OCLN: variants seen among roughly 807,000 people sequenced by gnomAD.
The protein encoded by OCLN is occludin, also known as phosphatase 1, regulatory subunit 115.
Under a neutral mutation model 47.9 loss-of-function variants are expected in OCLN, and 21 were observed. The observed-to-expected ratio is 0.44, with a 90% CI of 0.31 to 0.63. The LOEUF is 0.63. OCLN is among the 30% of genes least tolerant of loss of function. The pLI, the probability that OCLN is intolerant of heterozygous loss-of-function variation, is 0.08. For missense variants in OCLN, 360 were observed against 571.0 expected, an observed-to-expected ratio of 0.63 and a Z score of 3.77; for synonymous variants, 117 against 198.4, an observed-to-expected ratio of 0.59 and a Z score of 3.45.
chr5:69,510,489 C>T lies in OCLN; in HGVS notation c.729+670C>T, dbSNP rs963903824. Among the ~76,000 whole-genome samples, 12 of 151,934 alleles carry T rather than the reference C, an allele frequency of 7.9e-5. No homozygotes were observed. The East Asian group carries it at 2.1e-3, about 27-fold the overall frequency. On this transcript the variant is annotated intron_variant, in intron 3 of 8. Transcript: ENST00000396442. ...GAGGTCAGGAGATTGTGACCATCCTCGCTAATAAGGTGAAACCCCGTCTCT... is the reference window on the plus strand; with the variant it reads ...GAGGTCAGGAGATTGTGACCATCCTTGCTAATAAGGTGAAACCCCGTCTCT...
intron 4 of OCLN, among the ~76,000 whole-genome samples, chr5:69,528,896 C>T (rs1443501746): frequency 1.3e-5 from 2 of 152,118 alleles, no homozygotes; most frequent in Admixed American, 6.5e-5. Flanking sequence ...CTGACTCTCT[C>T]CCATGTGTGA....
intron 4 of OCLN, among the ~76,000 whole-genome samples, chr5:69,515,591 C>G (rs1768929551): frequency 6.7e-6 from 1 of 148,792 alleles, no homozygotes; most frequent in Admixed American, 6.6e-5. Context: ...GGGGGCTGAC[C>G]CCCCCACCTC....
intron 4 of OCLN, among the ~76,000 whole-genome samples, chr5:69,526,649 G>C (rs1283738774): frequency 6.6e-6 from 1 of 151,726 alleles, no homozygotes; most frequent in East Asian, 1.9e-4. Flanking sequence ...ATTTAGAAAG[G>C]ATCTCCAGCT....
intron 2 of OCLN, among the ~76,000 whole-genome samples, chr5:69,506,223 T>A (rs1185860775): frequency 2.6e-5 from 4 of 152,126 alleles, no homozygotes; most frequent in Admixed American, 1.3e-4. Flanking sequence ...GGCAGGAGGA[T>A]TGCTTGAGCC....
intron 1 of OCLN, among the ~76,000 whole-genome samples, chr5:69,497,031 G>A (rs1768312271): frequency 6.6e-6 from 1 of 152,114 alleles, no homozygotes; most frequent in Non-Finnish European, 1.5e-5. Context: ...ACCTTTGGCT[G>A]CTGGCCTTAA....
chr5:69,547,432 G>C (rs1192872251), intron 6 of OCLN, among the ~76,000 whole-genome samples: 1 of 120,662 alleles, frequency 8.3e-6, no homozygotes, highest in Non-Finnish European at 1.7e-5. Flanking sequence ...TTAGCCGGGC[G>C]TGGTGGCAGG....
chr5:69,508,992 A>C, intron 2 of OCLN, 149 bp from the exon 3 acceptor site: 1 of 714,940 alleles, frequency 1.4e-6, no homozygotes, highest in Non-Finnish European at 2.4e-6. Flanking sequence ...CAATAATCTT[A>C]TGTTTTAACA....
chr5:69,519,870 C>T (rs368139259), intron 4 of OCLN, among the ~76,000 whole-genome samples: 1 of 152,024 alleles, frequency 6.6e-6, no homozygotes, highest in Admixed American at 6.6e-5. Context: ...TACTGTTTTC[C>T]ATCTATGTTT....
Position 69,509,601 on chromosome 5 carries a change from T to TA in OCLN, c.512dup (p.Tyr171Ter), listed in dbSNP as rs749237456. The change falls in exon 3 of 9, where the codon TAC becomes TAAC. Residue 171 changes from tyrosine (Y) to a stop codon, truncating the protein, a stop_gained and frameshift_variant. Transcript: ENST00000396442. LOFTEE classifies it high-confidence loss of function. Reference sequence around the variant, plus strand: ...ATCTGAAATGTCCAGAACAAGAAGATACTACTTAAGTGTGATAATAGTGAG... The same window carrying TA: ...ATCTGAAATGTCCAGAACAAGAAGATAACTACTTAAGTGTGATAATAGTGAG... ...IRSEMSRTRR[Y>*]YLSVIIVSAI... 8 of 1,614,236 alleles carry TA rather than the reference T, an allele frequency of 5.0e-6. No homozygotes were observed. The highest frequency in any genetic ancestry group is 5.9e-6 in the Non-Finnish European group (7 of 1,180,032).
chr5:69,509,728 A>G lies in OCLN; in HGVS notation c.638A>G (p.Tyr213Cys), dbSNP rs779217784. Residue 213 changes from tyrosine (Y) to cysteine (C), a missense_variant, in exon 3 of 9, where the codon TAT becomes TGT. This residue lies in a region of OCLN where 314 missense variants were observed against 368.1 expected (regional missense o/e 0.85). Transcript: ENST00000396442. ...GGATCTCTATATGGTTCACAAATAT[A>G]TGCCCTCTGCAACCAATTTTATACA... ...SSGSLYGSQI[Y>C]ALCNQFYTPA... The G allele has an allele frequency of 6.2e-7, 1 of 1,614,032 alleles. No homozygotes were observed. The highest frequency in any genetic ancestry group is 1.3e-5 in the African/African-American group (1 of 74,946).
At chr5:69,515,180 G>T (rs1188739491) in intron 4 of OCLN, among the ~76,000 whole-genome samples, 1 of 144,430 alleles carries the variant, frequency 6.9e-6, no homozygotes, top group African/African-American at 2.6e-5. Flanking sequence ...CCTCCCGGAC[G>T]GGGCGGCTGG....
chr5:69,515,303 G>A (rs1477931416), intron 4 of OCLN, among the ~76,000 whole-genome samples: 6 of 125,564 alleles, frequency 4.8e-5, no homozygotes, highest in South Asian at 2.7e-4. Context: ...CCTCCTTCCC[G>A]GATGGGGCGG....
intron 4 of OCLN, among the ~76,000 whole-genome samples, chr5:69,533,096 CACACACACACACATATATATAT>C (rs997310655): frequency 3.6e-5 from 5 of 138,276 alleles, no homozygotes; most frequent in African/African-American, 1.6e-4. Flanking sequence ...TATACACACA[CACACACACACACATATATATAT>C]ACACACACAC....
Position 69,527,006 on chromosome 5 carries a change from G to A in OCLN, c.892-7688G>A, listed in dbSNP as rs552228080. On this transcript the variant is annotated intron_variant, in intron 4 of 8. Coordinates refer to ENST00000396442, the MANE Select transcript of OCLN (RefSeq NM_001205254.2). ...AAAAGGTGAAGCAGGGGCCAGGCGC[G>A]GTGGCTCACACCTGTAATCCTAGCA... Among the ~76,000 whole-genome samples, 35 of 152,234 alleles carry A rather than the reference G, an allele frequency of 2.3e-4. No homozygotes were observed. In the Middle Eastern group the frequency reaches 0.014, roughly 60 times the overall value.
chr5:69,513,855 TAGGGTAGATA>T, intron 3 of OCLN, 83 bp from the exon 4 acceptor site: 1 of 1,052,898 alleles, frequency 9.5e-7, no homozygotes, highest in South Asian at 1.3e-5. Context: ...AGTAGGGCCT[TAGGGTAGATA>T]AGGGTTTTAA....
At chr5:69,497,196 G>A (rs376989892) in intron 1 of OCLN, among the ~76,000 whole-genome samples, 20 of 151,712 alleles carry the variant, frequency 1.3e-4, no homozygotes, top group African/African-American at 3.9e-4. Flanking sequence ...GTGAGGGAGA[G>A]GCTTCCTAAC....
intron 4 of OCLN, among the ~76,000 whole-genome samples, chr5:69,533,012 T>TGTGC (rs1554055330): frequency 6.8e-6 from 1 of 147,452 alleles, no homozygotes; most frequent in African/African-American, 2.5e-5. Context: ...TGTGTGTGTG[T>TGTGC]GTGTGTGTGT....
At chr5:69,496,286 G>A (rs1561327406) in intron 1 of OCLN, among the ~76,000 whole-genome samples, 1 of 151,984 alleles carries the variant, frequency 6.6e-6, no homozygotes, top group Non-Finnish European at 1.5e-5. Flanking sequence ...TTTTAATAGA[G>A]GCGGGGTTTC....
intron 2 of OCLN, 44 bp downstream of exon 2, chr5:69,504,338 C>A (rs1768538036): frequency 8.9e-7 from 1 of 1,127,132 alleles, no homozygotes; most frequent in Non-Finnish European, 1.3e-6. Flanking sequence ...AAAAGTCTAT[C>A]ACATGTAAAC....
Sources: allele counts gnomAD v4.1 joint callset (sites outside exome capture counted in the v4.1 genomes callset), GRCh38; gene constraint gnomAD v4.1.1; regional missense constraint gnomAD v4.1.1; transcripts MANE v1.5; gene names NCBI Gene and HGNC (gene_info 2026-07-23, HGNC 2026-07-21).